Variants in TNKS observed in about 807,000 individuals in gnomAD.
TNKS encodes the protein poly [ADP-ribose] polymerase tankyrase-1.
In TNKS, 72 loss-of-function variants were observed where a neutral mutation model predicts 135.8. The ratio of observed to expected loss-of-function variants is 0.53; its 90% confidence interval spans 0.44 to 0.64. The LOEUF (loss-of-function observed/expected upper bound fraction) is 0.64, where lower values mean the gene tolerates loss of function less well. Ranked by LOEUF, TNKS falls within the 30% of genes least tolerant of loss-of-function variation. The pLI, the probability that TNKS is intolerant of heterozygous loss-of-function variation, is 0.00. For synonymous variants in TNKS, 849 were observed against 649.3 expected (o/e 1.31, Z -4.68); for missense variants, 1,769 against 1,674.0 (o/e 1.06, Z -0.99).
At chr8:9,696,874 G>A (rs1279605362) in intron 5 of TNKS, among the ~76,000 whole-genome samples, 1 of 152,124 alleles carries the variant, frequency 6.6e-6, no homozygotes, top group Non-Finnish European at 1.5e-5. Context: ...TGGCCATACT[G>A]CCCAAAGCAG....
At position 9,756,979 on chromosome 8, in the gene TNKS, T is replaced by C. The variant is rs191076160; in HGVS notation, c.3153+4353T>C. ...TTTTTTTGTTTTTGTTTGTTTTTTT[T>C]TGTTTGTTTGTTTTTGAGATGGAGT... On this transcript the variant is annotated intron_variant, in intron 20 of 26. Coordinates refer to ENST00000310430, the MANE Select transcript of TNKS (RefSeq NM_003747.3). Among the ~76,000 whole-genome samples the C allele has an allele frequency of 2.6e-5, 4 of 152,140 alleles. No homozygotes were observed. The East Asian group carries it at 7.7e-4, about 29-fold the overall frequency.
intron 1 of TNKS, chr8:9,557,026 AC>A: frequency 3.9e-6 from 1 of 259,668 alleles, no homozygotes; most frequent in Non-Finnish European, 7.4e-6. Context: ...GAGGTTTAAT[AC>A]AACCCAACAC....
chr8:9,611,183 G>A (rs1799447345), intron 2 of TNKS, among the ~76,000 whole-genome samples: 1 of 152,190 alleles, frequency 6.6e-6, no homozygotes, highest in Non-Finnish European at 1.5e-5. Context: ...GAGATGAATA[G>A]AGCTGAGACG....
chr8:9,721,700 G>A (rs1804888448), intron 12 of TNKS, among the ~76,000 whole-genome samples: 1 of 152,120 alleles, frequency 6.6e-6, no homozygotes, highest in Admixed American at 6.5e-5. Context: ...CATTTCAGAA[G>A]TGAAATTCAT....
chr8:9,740,043 C>CTTAGA (rs752016329), intron 17 of TNKS, among the ~76,000 whole-genome samples: 101 of 54,722 alleles, frequency 1.8e-3, no homozygotes, highest in Non-Finnish European at 3.1e-3. Flanking sequence ...TACCCTAAAA[C>CTTAGA]TTAGAGTATA....
intron 1 of TNKS, among the ~76,000 whole-genome samples, chr8:9,574,734 G>T (rs567351825): frequency 6.6e-6 from 1 of 152,270 alleles, no homozygotes. Flanking sequence ...GGCTATGAAA[G>T]ACTTGATTTT....
At position 9,589,332 on chromosome 8, in the gene TNKS, A is replaced by G. The variant is rs544264941; in HGVS notation, c.898+8949A>G. 2.0e-5 allele frequency among the ~76,000 whole-genome samples: 3 copies of G among 152,344 alleles called. No individual in the cohort carries two copies. In the South Asian group the frequency reaches 6.2e-4, roughly 32 times the overall value. ...ATGAAAGGTATTGTTTATAAACTAG[A>G]GGTCTCTTGTAAAGCATCAGATAAA... On this transcript the variant is annotated intron_variant, in intron 2 of 26. Transcript: ENST00000310430.
chr8:9,621,525 C>T (rs964743272), intron 3 of TNKS, among the ~76,000 whole-genome samples: 1 of 152,074 alleles, frequency 6.6e-6, no homozygotes, highest in Non-Finnish European at 1.5e-5. Context: ...AGGCTAGTCT[C>T]GAACTCCTGA....
chr8:9,754,376 T>G (rs1387664451), intron 20 of TNKS, among the ~76,000 whole-genome samples: 1 of 152,220 alleles, frequency 6.6e-6, no homozygotes, highest in Non-Finnish European at 1.5e-5. Context: ...GACATAATTT[T>G]CCAGTATTTC....
intron 2 of TNKS, among the ~76,000 whole-genome samples, chr8:9,585,278 GA>G: frequency 6.6e-6 from 1 of 151,554 alleles, no homozygotes; most frequent in East Asian, 1.9e-4. Flanking sequence ...AAATCATGAC[GA>G]AAAAGGTAAA....
intron 22 of TNKS, 95 bp from the exon 23 acceptor site, chr8:9,764,621 C>T: frequency 2.4e-6 from 2 of 825,710 alleles, no homozygotes; most frequent in Admixed American, 3.4e-5. Flanking sequence ...TTATAGTGAA[C>T]TCCTATTTAT....
intron 12 of TNKS, among the ~76,000 whole-genome samples, chr8:9,725,463 A>G (rs867666555): frequency 6.6e-5 from 10 of 152,194 alleles, no homozygotes; most frequent in African/African-American, 2.2e-4. Context: ...TTTACTGAAG[A>G]ATTGTCATAA....
chr8:9,566,266 A>G (rs1797535341), intron 1 of TNKS: 2 of 152,180 alleles, frequency 1.3e-5, no homozygotes, highest in South Asian at 4.1e-4. Flanking sequence ...GCAGGAAAAT[A>G]TTCTTATTTG....
At chr8:9,746,792 C>CT (rs1183312794) in intron 17 of TNKS, among the ~76,000 whole-genome samples, 1 of 151,612 alleles carries the variant, frequency 6.6e-6, no homozygotes, top group East Asian at 1.9e-4. Flanking sequence ...TTCTGACAAA[C>CT]GATCTGCACA....
At chr8:9,725,474 C>T (rs1053334022) in intron 12 of TNKS, among the ~76,000 whole-genome samples, 1 of 152,084 alleles carries the variant, frequency 6.6e-6, no homozygotes, top group African/African-American at 2.4e-5. Flanking sequence ...ATTGTCATAA[C>T]TTATTCTGTA....
In TNKS at chr8:9,752,636, C is replaced by T; in HGVS notation, c.3153+10C>T. On this transcript the variant is annotated intron_variant, in intron 20 of 26. Transcript: ENST00000310430. ...CTTTGAAACAGAACAGGTAAATACT[C>T]TTGTATATATTTGAGTCATTTAAAT... is the stretch of plus-strand genomic sequence containing the variant. 1 of 1,569,896 alleles carries T rather than the reference C, an allele frequency of 6.4e-7. No homozygotes were observed.
chr8:9,567,423 A>AT lies in TNKS; in HGVS notation c.673+10821dup, dbSNP rs1009976478. 5.5e-3 allele frequency among the ~76,000 whole-genome samples: 825 copies of AT among 150,412 alleles called. 8 individuals are homozygous for AT. The highest frequency in any genetic ancestry group is 0.017 in the African/African-American group (697 of 41,090). Reference sequence around the variant, plus strand: ...TTAGCAACTGCTTTCTTATTTATTTATTTTTTTTTTGAGACGGAGTCTCGC... The same window carrying AT: ...TTAGCAACTGCTTTCTTATTTATTTATTTTTTTTTTTGAGACGGAGTCTCGC... On this transcript the variant is annotated intron_variant, in intron 1 of 26. Coordinates refer to ENST00000310430, the MANE Select transcript of TNKS (RefSeq NM_003747.3).
At chr8:9,675,226 A>G (rs1423073826) in intron 3 of TNKS, among the ~76,000 whole-genome samples, 3 of 152,224 alleles carry the variant, frequency 2.0e-5, no homozygotes, top group Non-Finnish European at 2.9e-5. Flanking sequence ...ACATGATGGA[A>G]TATATAACCT....
At chr8:9,708,521 G>A in intron 9 of TNKS, 29 bp downstream of exon 9, 1 of 1,549,590 alleles carries the variant, frequency 6.5e-7, no homozygotes, top group Non-Finnish European at 8.7e-7. Context: ...TCTATTCCCT[G>A]TGTCTATAAT....
Sources: allele counts gnomAD v4.1 joint callset (sites outside exome capture counted in the v4.1 genomes callset), GRCh38; gene constraint gnomAD v4.1.1; transcripts MANE v1.5; gene names NCBI Gene and HGNC (gene_info 2026-07-23, HGNC 2026-07-21).